GPR158: variants seen among roughly 807,000 people sequenced by gnomAD.
The protein encoded by GPR158 is metabotropic glycine receptor.
Under a neutral mutation model 78.2 loss-of-function variants are expected in GPR158, and 30 were observed. The ratio of observed to expected loss-of-function variants is 0.38; its 90% CI spans 0.29 to 0.52. GPR158 has a LOEUF of 0.52. GPR158 is among the 20% of genes least tolerant of loss of function. GPR158 has a pLI of 0.83. For missense variants in GPR158, 1,463 were observed against 1,523.5 expected, an observed-to-expected ratio of 0.96 and a Z score of 0.66; for synonymous variants, 581 against 591.1, an observed-to-expected ratio of 0.98 and a Z score of 0.25.
intron 4 of GPR158, among the ~76,000 whole-genome samples, chr10:25,419,608 G>A (rs976840429): frequency 1.3e-5 from 2 of 152,080 alleles, no homozygotes; most frequent in Non-Finnish European, 2.9e-5. Context: ...CCACCAGTTT[G>A]GAAGGTTTAC....
chr10:25,449,856 T>A (rs1220317571), intron 4 of GPR158, among the ~76,000 whole-genome samples: 1 of 152,158 alleles, frequency 6.6e-6, no homozygotes, highest in East Asian at 1.9e-4. Flanking sequence ...TTAAAATTTT[T>A]AAAAAATTTA....
At chr10:25,227,257 C>T (rs367754889) in intron 2 of GPR158, among the ~76,000 whole-genome samples, 3 of 152,116 alleles carry the variant, frequency 2.0e-5, no homozygotes, top group African/African-American at 4.8e-5. Context: ...CTGAGCCAAG[C>T]GTTCACCAGT....
In GPR158 at chr10:25,241,372, C is replaced by CTCTCTTCTCTTCCCT. The variant is rs1853623502; in HGVS notation, c.1008+20227_1008+20228insCCTTCTCTTCTCTTC. Among the ~76,000 whole-genome samples the CTCTCTTCTCTTCCCT allele has an allele frequency of 2.9e-5, 3 of 102,950 alleles. No homozygotes were observed. The Admixed American group carries it at 3.3e-4, about 11-fold the overall frequency. 67.5% of individuals were successfully genotyped at this position (102,950 alleles called of 152,430 possible). A position where few individuals can be genotyped will look rare whatever the true frequency, so the allele number is the denominator to read the frequency against. ...TCTCTTTTCTTTTCTCTTTTCTTTT[C>CTCTCTTCTCTTCCCT]TCTCTTCTCTTCTCTTCTCTTCTCT... is the stretch of plus-strand genomic sequence containing the variant. On this transcript the variant is annotated intron_variant, in intron 2 of 10. Transcript: ENST00000376351.
At chr10:25,245,652 T>G (rs1011570391) in intron 2 of GPR158, among the ~76,000 whole-genome samples, 10 of 152,162 alleles carry the variant, frequency 6.6e-5, no homozygotes, top group African/African-American at 2.2e-4. Context: ...TTTTCCTTAT[T>G]AAACTCCTGC....
At chr10:25,204,394 C>T (rs184826322) in intron 1 of GPR158, among the ~76,000 whole-genome samples, 247 of 152,252 alleles carry the variant, frequency 1.6e-3, no homozygotes, top group Non-Finnish European at 2.4e-3. Flanking sequence ...GTGGGTTTGT[C>T]ATAAATAGCT....
chr10:25,351,509 G>C (rs1855470880), intron 2 of GPR158, among the ~76,000 whole-genome samples: 1 of 151,930 alleles, frequency 6.6e-6, no homozygotes, highest in African/African-American at 2.4e-5. Flanking sequence ...AAATGTAAAT[G>C]TGAGAGGTTC....
Position 25,349,829 on chromosome 10 carries a change from G to A in GPR158, c.1009-46082G>A, listed in dbSNP as rs1206791724. ...AGGATGCAGATGTCTTTGGATAGGGGCATGATTCAGCCTACAGAAGGTAGA... is the reference window on the plus strand; with the variant it reads ...AGGATGCAGATGTCTTTGGATAGGGACATGATTCAGCCTACAGAAGGTAGA... On this transcript the variant is annotated intron_variant, in intron 2 of 10. Coordinates refer to ENST00000376351, the MANE Select transcript of GPR158 (RefSeq NM_020752.3). Among the ~76,000 whole-genome samples, 2 of 128,558 alleles carry A rather than the reference G, an allele frequency of 1.6e-5. 1 individual carries two copies. The highest frequency in any genetic ancestry group is 9.0e-5 in the African/African-American group (2 of 22,190). 84.3% of individuals were successfully genotyped at this position (128,558 alleles called of 152,430 possible).
chr10:25,516,461 A>G (rs1836176017), intron 5 of GPR158, among the ~76,000 whole-genome samples: 1 of 151,456 alleles, frequency 6.6e-6, no homozygotes. Flanking sequence ...TATGTCCTGA[A>G]TGGTAATGCC....
At chr10:25,262,335 A>T (rs1404508859) in intron 2 of GPR158, among the ~76,000 whole-genome samples, 1 of 152,032 alleles carries the variant, frequency 6.6e-6, no homozygotes, top group Admixed American at 6.6e-5. Flanking sequence ...AATTATCATT[A>T]TTTTCCTCAG....
chr10:25,523,817 G>A (rs902530335), intron 5 of GPR158, among the ~76,000 whole-genome samples: 1 of 151,882 alleles, frequency 6.6e-6, no homozygotes, highest in Non-Finnish European at 1.5e-5. Flanking sequence ...GGAGATTCTA[G>A]CCACAGCAAT....
chr10:25,514,327 G>C (rs1295144172), intron 5 of GPR158, among the ~76,000 whole-genome samples: 1 of 151,988 alleles, frequency 6.6e-6, no homozygotes, highest in Non-Finnish European at 1.5e-5. Flanking sequence ...AGTTACTCCT[G>C]CTCACTTTTG....
intron 4 of GPR158, among the ~76,000 whole-genome samples, chr10:25,421,687 T>C (rs932823758): frequency 4.6e-5 from 7 of 152,196 alleles, no homozygotes; most frequent in Non-Finnish European, 8.8e-5. Flanking sequence ...ATAACATTAC[T>C]TTAATTCTAT....
intron 3 of GPR158, among the ~76,000 whole-genome samples, chr10:25,407,717 C>T (rs1393300497): frequency 1.3e-5 from 2 of 152,072 alleles, no homozygotes; most frequent in African/African-American, 2.4e-5. Flanking sequence ...AAAATTATGT[C>T]GACTCCACCT....
intron 1 of GPR158, among the ~76,000 whole-genome samples, chr10:25,189,509 C>G (rs948374607): frequency 1.3e-5 from 2 of 152,042 alleles, no homozygotes; most frequent in African/African-American, 2.4e-5. Context: ...AGCTGGAAAC[C>G]GTCATTCTCA....
At chr10:25,588,094 A>G (rs1475215950) in intron 7 of GPR158, among the ~76,000 whole-genome samples, 1 of 152,226 alleles carries the variant, frequency 6.6e-6, no homozygotes, top group Non-Finnish European at 1.5e-5. Flanking sequence ...AAAAAGTCAA[A>G]TGAAATGTTT....
chr10:25,214,533 T>G (rs1346518024), intron 1 of GPR158, among the ~76,000 whole-genome samples: 1 of 152,046 alleles, frequency 6.6e-6, no homozygotes, highest in Non-Finnish European at 1.5e-5. Context: ...GGTTTCCTGT[T>G]TTTCCACTAA....
chr10:25,307,514 G>C (rs888139981), intron 2 of GPR158, among the ~76,000 whole-genome samples: 1 of 151,400 alleles, frequency 6.6e-6, no homozygotes, highest in African/African-American at 2.4e-5. Context: ...CTCCCAAGTA[G>C]CTGGGACTAC....
chr10:25,185,192 CT>C (rs1187893064), intron 1 of GPR158, among the ~76,000 whole-genome samples: 1 of 152,170 alleles, frequency 6.6e-6, no homozygotes, highest in Non-Finnish European at 1.5e-5. Flanking sequence ...TACTCTGGGA[CT>C]ATCCCTATTT....
chr10:25,342,695 T>C (rs1165999167), intron 2 of GPR158, among the ~76,000 whole-genome samples: 1 of 151,902 alleles, frequency 6.6e-6, no homozygotes, highest in African/African-American at 2.4e-5. Context: ...TTACTGATGG[T>C]ATATAGGAAC....
Sources: allele counts gnomAD v4.1 joint callset (sites outside exome capture counted in the v4.1 genomes callset), GRCh38; gene constraint gnomAD v4.1.1; transcripts MANE v1.5; gene names NCBI Gene and HGNC (gene_info 2026-07-23, HGNC 2026-07-21).